CACNA1C: variants seen among roughly 807,000 people sequenced by gnomAD.
The protein encoded by CACNA1C is voltage-dependent L-type calcium channel subunit alpha-1C.
Under a neutral mutation model 229.0 loss-of-function variants are expected in CACNA1C, and 30 were observed. The ratio of observed to expected loss-of-function variants is 0.13; its 90% CI spans 0.10 to 0.18. The LOEUF (loss-of-function observed/expected upper bound fraction) is 0.18. CACNA1C is among the 10% of genes least tolerant of loss of function. CACNA1C has a pLI of 1.00. For missense variants in CACNA1C, 1,658 were observed against 2,845.0 expected (o/e 0.58, Z 9.49); for synonymous variants, 1,114 against 1,132.5 (o/e 0.98, Z 0.33).
rs900579922 is a variant in CACNA1C at position 2,632,752 on chromosome 12, C to T, written c.3829-1545C>T. Among the ~76,000 whole-genome samples the T allele has an allele frequency of 1.3e-5, 2 of 152,136 alleles. No homozygotes were observed. Among genetic ancestry groups the T allele is most frequent in the South Asian group, 2.1e-4 (1 of 4,822 alleles). The stretch of plus-strand genomic sequence containing the variant: ...CATCCTCAGGAAACGCTTTGATCAC[C>T]GCGTGCCCTCTGCGCGGCGTCTGCA... On this transcript the variant is annotated intron_variant, in intron 29 of 46. Coordinates refer to ENST00000399655, the MANE Select transcript of CACNA1C (RefSeq NM_000719.7). The surrounding 1 kb of genome is among the most constrained non-coding windows in gnomAD (Gnocchi z 4.1).
intron 10 of CACNA1C, among the ~76,000 whole-genome samples, chr12:2,551,387 A>G (rs1019859215): frequency 1.3e-5 from 2 of 152,234 alleles, no homozygotes; most frequent in Non-Finnish European, 2.9e-5. Flanking sequence ...CTCAGAGCAC[A>G]TGCTCTGCAG....
At chr12:2,404,924 TG>T (rs1170623325) in intron 3 of CACNA1C, among the ~76,000 whole-genome samples, 25 of 152,182 alleles carry the variant, frequency 1.6e-4, no homozygotes, top group African/African-American at 6.0e-4. Context: ...CTTCTCAAAT[TG>T]CCTGGAGCAG....
chr12:1,992,126 T>C lies in CACNA1C; in HGVS notation c.139+20925T>C, dbSNP rs531780373. On this transcript the variant is annotated intron_variant, in intron 1 of 46. Transcript: ENST00000682462. ...TAAACTACAATTGATAAAGTGTACC[T>C]TTCGGCAAAGAAACATGAGGAGAAA... The C allele has an allele frequency of 7.0e-5, 19 of 273,290 alleles. No homozygotes were observed. The Admixed American group carries it at 7.7e-4, about 11-fold the overall frequency. 16.9% of individuals were successfully genotyped at this position (273,290 alleles called of 1,614,324 possible). A position where few individuals can be genotyped will look rare whatever the true frequency, so the allele number is the denominator to read the frequency against.
chr12:2,087,937 C>G (rs1432327881), intron 1 of CACNA1C, among the ~76,000 whole-genome samples: 1 of 152,180 alleles, frequency 6.6e-6, no homozygotes, highest in Non-Finnish European at 1.5e-5. Flanking sequence ...TGTAAGGTTT[C>G]AGGAACTATG....
rs142283133 is a variant in CACNA1C at position 2,494,019 on chromosome 12, T to A, written c.1113+633T>A. 9.2e-3 allele frequency among the ~76,000 whole-genome samples: 1,407 copies of A among 152,284 alleles called. 19 individuals are homozygous for A. Among genetic ancestry groups the A allele is most frequent in the African/African-American group, 0.032 (1,335 of 41,552 alleles). ...TATTTAGAAATACACTTTTTTTTTT[T>A]AATTTTTATTTTACTTTAGGTTCTG... On this transcript the variant is annotated intron_variant, in intron 7 of 46. Coordinates refer to ENST00000399655, the MANE Select transcript of CACNA1C (RefSeq NM_000719.7).
intron 3 of CACNA1C, among the ~76,000 whole-genome samples, chr12:2,164,508 A>T (rs2096104937): frequency 6.6e-6 from 1 of 152,214 alleles, no homozygotes; most frequent in Non-Finnish European, 1.5e-5. Context: ...AGCCGAAGAG[A>T]TGCTCATTGC....
At chr12:2,097,232 G>A (rs571608889) in intron 1 of CACNA1C, among the ~76,000 whole-genome samples, 12 of 152,080 alleles carry the variant, frequency 7.9e-5, no homozygotes, top group East Asian at 7.7e-4. Flanking sequence ...TGCAAGCTCC[G>A]CCTCCCAGGT....
At chr12:2,238,290 C>T (rs555211599) in intron 3 of CACNA1C, among the ~76,000 whole-genome samples, 13 of 152,322 alleles carry the variant, frequency 8.5e-5, no homozygotes, top group East Asian at 7.7e-4. Context: ...GACCTTCCCA[C>T]GGAAATAACG....
chr12:2,588,097 G>T (rs1338881491), intron 18 of CACNA1C, among the ~76,000 whole-genome samples: 2 of 152,128 alleles, frequency 1.3e-5, no homozygotes, highest in African/African-American at 4.8e-5. Context: ...TCAGCTCCTG[G>T]ATCCTTTAGT....
chr12:2,067,309 C>A lies in CACNA1C; in HGVS notation c.49+13698C>A, dbSNP rs1594876988. 6.6e-6 allele frequency among the ~76,000 whole-genome samples: 1 copy of A among 151,976 alleles called. No homozygotes were observed. Among genetic ancestry groups the A allele is most frequent in the Non-Finnish European group, 1.5e-5 (1 of 68,006 alleles). ...TTAGTCATCAGAATAGCCAATGGGC[C>A]CCTTGAGCTCTGAGTGGATGCACAA... On this transcript the variant is annotated intron_variant, in intron 1 of 46. Coordinates refer to ENST00000399655, the MANE Select transcript of CACNA1C (RefSeq NM_000719.7). This position sits in a 1 kb window ranked among gnomAD's most constrained non-coding sequence, Gnocchi z 5.3.
chr12:2,149,449 G>T (rs1179281126), intron 3 of CACNA1C, among the ~76,000 whole-genome samples: 1 of 152,240 alleles, frequency 6.6e-6, no homozygotes, highest in Non-Finnish European at 1.5e-5. Context: ...CTACTGGATG[G>T]TGTTTTGGAA....
At chr12:2,522,893 A>G (rs2099812643) in intron 9 of CACNA1C, among the ~76,000 whole-genome samples, 1 of 152,108 alleles carries the variant, frequency 6.6e-6, no homozygotes, top group African/African-American at 2.4e-5. Flanking sequence ...GGAAAAGTTA[A>G]CGTATTCACA....
chr12:2,026,125 A>G (rs2047279170), intron 1 of CACNA1C, among the ~76,000 whole-genome samples: 2 of 152,228 alleles, frequency 1.3e-5, no homozygotes, highest in South Asian at 4.1e-4. Flanking sequence ...GCTGGCTGGA[A>G]GAAGTATGAG....
chr12:2,233,980 AC>A (rs1218382213), intron 3 of CACNA1C, among the ~76,000 whole-genome samples: 2 of 152,128 alleles, frequency 1.3e-5, no homozygotes, highest in Non-Finnish European at 2.9e-5. Context: ...TCCCAGGTCC[AC>A]CCTTCCCACT....
intron 3 of CACNA1C, among the ~76,000 whole-genome samples, chr12:2,341,889 G>A (rs1056807089): frequency 2.0e-5 from 3 of 152,110 alleles, no homozygotes; most frequent in East Asian, 1.9e-4. Flanking sequence ...TCAGCCCATC[G>A]GCACAACCCA....
intron 1 of CACNA1C, chr12:2,004,464 C>T (rs1163923672): frequency 9.5e-6 from 15 of 1,583,944 alleles, no homozygotes; most frequent in Non-Finnish European, 1.3e-5. Context: ...GCACGGGGCT[C>T]TTGGAAGCCA....
rs1422006943 is a variant in CACNA1C, at chr12:2,696,644, G to A, written c.*5445G>A. 1 of 151,272 alleles carries A rather than the reference G, an allele frequency of 6.6e-6. No individual in the cohort carries two copies. Among genetic ancestry groups the A allele is most frequent in the Non-Finnish European group, 1.5e-5 (1 of 67,932 alleles). The allele number at this position is 151,272 out of a possible 1,614,324, so 9.4% of individuals were successfully genotyped here. ...AAGCTCTGGGTGGAAGAGTTTGTAA[G>A]TTTTAAGAGAGGGTCATTTCTATGT... On this transcript the variant is annotated 3_prime_UTR_variant, in exon 47 of 47. Transcript: ENST00000399655.
chr12:2,591,420 G>T (rs2065253114), intron 18 of CACNA1C, among the ~76,000 whole-genome samples: 1 of 152,192 alleles, frequency 6.6e-6, no homozygotes, highest in Non-Finnish European at 1.5e-5. Flanking sequence ...AGGGCTTCTA[G>T]TGCCAGGCAA....
In CACNA1C at chr12:2,143,164, C is replaced by T. The variant is rs1174172117; in HGVS notation, c.477+22734C>T. On this transcript the variant is annotated intron_variant, in intron 3 of 46. Coordinates refer to ENST00000399655, the MANE Select transcript of CACNA1C (RefSeq NM_000719.7). Reference sequence around the variant, plus strand: ...CTAAGTTTTGTATTTTTAGTAGAGACGGGGTTTCACCATGTTGGCCAGGCT... The same window carrying T: ...CTAAGTTTTGTATTTTTAGTAGAGATGGGGTTTCACCATGTTGGCCAGGCT... 2.5e-4 allele frequency among the ~76,000 whole-genome samples: 37 copies of T among 150,996 alleles called. 1 individual carries two copies. The highest frequency in any genetic ancestry group is 1.9e-4 in the Non-Finnish European group (13 of 67,478).
Sources: allele counts gnomAD v4.1 joint callset (sites outside exome capture counted in the v4.1 genomes callset), GRCh38; gene constraint gnomAD v4.1.1; non-coding constraint Gnocchi (gnomAD v3.1); transcripts MANE v1.5; gene names NCBI Gene and HGNC (gene_info 2026-07-23, HGNC 2026-07-21).